GLCE: variants seen among roughly 807,000 people sequenced by gnomAD.
GLCE encodes glucuronic acid epimerase, also known as D-glucuronyl C5-epimerase.
Under a neutral mutation model 47.9 loss-of-function variants are expected in GLCE, and 19 were observed. The observed-to-expected ratio is 0.40, with a 90% CI of 0.28 to 0.58. The LOEUF is 0.58. GLCE is among the 20% of genes least tolerant of loss of function. The probability of loss-of-function intolerance (pLI) is 0.48; values close to 1 mark genes in which losing one functional copy is unlikely to be tolerated. For synonymous variants in GLCE, 245 were observed against 263.4 expected, an observed-to-expected ratio of 0.93 and a Z score of 0.68; for missense variants, 556 against 743.3, an observed-to-expected ratio of 0.75 and a Z score of 2.93.
intron 1 of GLCE, among the ~76,000 whole-genome samples, chr15:69,174,299 C>G (rs1280257694): frequency 6.6e-6 from 1 of 152,166 alleles, no homozygotes; most frequent in African/African-American, 2.4e-5. Context: ...TGTGGTTTCT[C>G]TTCTGTGTAT....
chr15:69,230,900 G>A (rs1321610404), intron 2 of GLCE, among the ~76,000 whole-genome samples: 3 of 152,094 alleles, frequency 2.0e-5, no homozygotes. Flanking sequence ...AGCTGTAGTG[G>A]GGATCTTTTC....
intron 1 of GLCE, among the ~76,000 whole-genome samples, chr15:69,162,491 T>C (rs2051439715): frequency 6.6e-6 from 1 of 152,090 alleles, no homozygotes; most frequent in Non-Finnish European, 1.5e-5. Flanking sequence ...AATTTGAGTA[T>C]ACCAAAGCAA....
chr15:69,214,399 A>G (rs2052276409), intron 2 of GLCE, among the ~76,000 whole-genome samples: 1 of 151,906 alleles, frequency 6.6e-6, no homozygotes, highest in Admixed American at 6.6e-5. Flanking sequence ...TTCTAATGAG[A>G]TCTGATGGTT....
Position 69,272,171 on chromosome 15 carries a change from A to G in GLCE, c.*2927A>G, listed in dbSNP as rs569604210. On this transcript the variant is annotated 3_prime_UTR_variant, in exon 5 of 5. Transcript: ENST00000261858. ...TTTGTGCTTAATGTAAAGCCGCTTT[A>G]TAAAACTGTAAAATAAAGTTTTTTT... 1.3e-5 allele frequency: 2 copies of G among 152,808 alleles called. No homozygotes were observed. The highest frequency in any genetic ancestry group is 2.4e-5 in the African/African-American group (1 of 41,590). 9.5% of individuals were successfully genotyped at this position (152,808 alleles called of 1,614,324 possible).
chr15:69,169,021 C>T (rs953693502), intron 1 of GLCE, among the ~76,000 whole-genome samples: 11 of 152,278 alleles, frequency 7.2e-5, no homozygotes, highest in African/African-American at 1.7e-4. Context: ...CATTGCTTAA[C>T]GAAAGTTACC....
At chr15:69,192,387 G>T (rs2051926540) in intron 1 of GLCE, among the ~76,000 whole-genome samples, 5 of 151,736 alleles carry the variant, frequency 3.3e-5, no homozygotes, top group Admixed American at 3.3e-4. Context: ...TTTTTTATAT[G>T]TAGAAGTTTT....
chr15:69,213,559 T>C (rs1283236312), intron 2 of GLCE, among the ~76,000 whole-genome samples: 1 of 152,160 alleles, frequency 6.6e-6, no homozygotes, highest in Non-Finnish European at 1.5e-5. Flanking sequence ...TGTCAGAATG[T>C]CCTATTACTG....
chr15:69,228,956 G>A (rs1408453493), intron 2 of GLCE, among the ~76,000 whole-genome samples: 1 of 152,088 alleles, frequency 6.6e-6, no homozygotes, highest in Admixed American at 6.6e-5. Flanking sequence ...CCAAAGTGCT[G>A]GGATTATAAA....
At chr15:69,183,686 G>A (rs1595741558) in intron 1 of GLCE, among the ~76,000 whole-genome samples, 1 of 152,220 alleles carries the variant, frequency 6.6e-6, no homozygotes, top group Non-Finnish European at 1.5e-5. Context: ...GGTAACAAAG[G>A]CTGAATGGGG....
chr15:69,262,297 A>G (rs1437579348), intron 4 of GLCE, among the ~76,000 whole-genome samples: 1 of 152,160 alleles, frequency 6.6e-6, no homozygotes, highest in Non-Finnish European at 1.5e-5. Context: ...CTTTTCTCCC[A>G]TGGCATTCTG....
At chr15:69,161,036 G>C (rs2051411245) in intron 1 of GLCE, among the ~76,000 whole-genome samples, 3 of 152,136 alleles carry the variant, frequency 2.0e-5, no homozygotes, top group African/African-American at 7.2e-5. Flanking sequence ...CTTGGGGTAG[G>C]GGTGGGTGGC....
At chr15:69,209,130 T>C (rs1566956446) in intron 1 of GLCE, among the ~76,000 whole-genome samples, 1 of 152,076 alleles carries the variant, frequency 6.6e-6, no homozygotes, top group Admixed American at 6.6e-5. Flanking sequence ...TGGTTCTTCT[T>C]TTATCTTCTA....
intron 4 of GLCE, among the ~76,000 whole-genome samples, chr15:69,264,762 G>C (rs1040926864): frequency 2.0e-5 from 3 of 151,970 alleles, no homozygotes; most frequent in African/African-American, 7.3e-5. Flanking sequence ...ATATCATTGT[G>C]GTTTTGCTTT....
In GLCE at chr15:69,269,466, G is replaced by A; in HGVS notation, c.*222G>A. The A allele has an allele frequency of 1.8e-6, 1 of 553,270 alleles. No individual in the cohort carries two copies. The highest frequency in any genetic ancestry group is 3.2e-6 in the Non-Finnish European group (1 of 311,564). The allele number at this position is 553,270 out of a possible 1,614,324, so 34.3% of individuals were successfully genotyped here. A position where few individuals can be genotyped will look rare whatever the true frequency, so the allele number is the denominator to read the frequency against. On this transcript the variant is annotated 3_prime_UTR_variant, in exon 5 of 5. Coordinates refer to ENST00000261858, the MANE Select transcript of GLCE (RefSeq NM_015554.3). ...ATTTAGAACACAATGTTTAATCAATGGGCTGAACAAAGATGCTTCACTTTG... is the reference window on the plus strand; with the variant it reads ...ATTTAGAACACAATGTTTAATCAATAGGCTGAACAAAGATGCTTCACTTTG...
At chr15:69,262,680 G>A (rs866096977) in intron 4 of GLCE, among the ~76,000 whole-genome samples, 13 of 152,126 alleles carry the variant, frequency 8.5e-5, no homozygotes, top group African/African-American at 2.9e-4. Context: ...GGGATCCTTA[G>A]CCCCTCATTC....
At chr15:69,210,927 G>A (rs532370558) in intron 2 of GLCE, among the ~76,000 whole-genome samples, 3 of 152,234 alleles carry the variant, frequency 2.0e-5, no homozygotes, top group East Asian at 3.9e-4. Flanking sequence ...TTTTAGGAAA[G>A]TTTGCTGACC....
chr15:69,183,247 C>A (rs1201167861), intron 1 of GLCE, among the ~76,000 whole-genome samples: 2 of 152,050 alleles, frequency 1.3e-5, no homozygotes, highest in African/African-American at 4.8e-5. Context: ...GTGTAATGAG[C>A]AAGCAGCTAA....
Position 69,256,103 on chromosome 15 carries a change from G to A in GLCE, c.297G>A (p.Val99=), listed in dbSNP as rs760796899. The A allele has an allele frequency of 5.0e-6, 8 of 1,613,988 alleles. No individual in the cohort carries two copies. The Admixed American group carries it at 1.2e-4, about 24-fold the overall frequency. Residue 99 remains valine (V), a synonymous_variant, in exon 3 of 5, where the codon GTG becomes GTA. Coordinates refer to ENST00000261858, the MANE Select transcript of GLCE (RefSeq NM_015554.3). ...TCAATAGCAATGTGGGAAGTAAGGT[G>A]TTAGGGCTCAAATATGAAGAAATTG... is the stretch of plus-strand genomic sequence containing the variant. The part of the protein sequence containing the change: ...GGFNSNVGSK[V]LGLKYEEIDC...
At chr15:69,235,368 A>C (rs568156756) in intron 2 of GLCE, among the ~76,000 whole-genome samples, 3 of 144,376 alleles carry the variant, frequency 2.1e-5, no homozygotes, top group African/African-American at 8.8e-5. Flanking sequence ...TCAGCCTCCC[A>C]AAGTGCTGGG....
Sources: gnomAD v4.1 joint callset for allele counts (sites outside exome capture counted in the v4.1 genomes callset) on GRCh38, gnomAD v4.1.1 for gene constraint, MANE v1.5 for transcripts, NCBI Gene and HGNC (gene_info 2026-07-23, HGNC 2026-07-21) for gene names.